The following RPL19 variants were observed in gnomAD, a reference collection of about 807,000 sequenced individuals.
RPL19 encodes large ribosomal subunit protein eL19.
A neutral mutation model predicts 25.1 loss-of-function variants in RPL19; 2 were observed. The ratio of observed to expected loss-of-function variants is 0.08; its 90% CI spans 0.03 to 0.25. The LOEUF (loss-of-function observed/expected upper bound fraction) is 0.25, where lower values mean the gene tolerates loss of function less well. Among genes scored for constraint, RPL19 ranks in the 10% least tolerant of loss-of-function variants. The pLI is 1.00. For missense variants in RPL19, 123 were observed against 271.8 expected (o/e 0.45, Z 3.85); for synonymous variants, 89 against 91.2 (o/e 0.98, Z 0.14).
chr17:39,200,999 G>A (rs1419284480), intron 1 of RPL19: 3 of 505,176 alleles, frequency 5.9e-6, no homozygotes, highest in East Asian at 3.3e-5. Flanking sequence ...GGAGAAATGC[G>A]AACATGAGGC....
chr17:39,202,478 C>G, intron 3 of RPL19, 39 bp downstream of exon 3: 1 of 1,611,392 alleles, frequency 6.2e-7, no homozygotes. Flanking sequence ...ATGATAGGTG[C>G]TGGCATCTAT....
At chr17:39,200,617 A>G in intron 1 of RPL19, 1 of 1,225,158 alleles carries the variant, frequency 8.2e-7, no homozygotes, top group Non-Finnish European at 1.0e-6. Context: ...AGCAGAGCAA[A>G]CGGAGCGAAC....
intron 4 of RPL19, among the ~76,000 whole-genome samples, chr17:39,203,533 CAG>C (rs960371369): frequency 4.1e-4 from 53 of 129,650 alleles, no homozygotes; most frequent in Non-Finnish European, 5.6e-4. Context: ...TTTTTGGAGA[CAG>C]AGTCTCGCTC....
Position 39,202,398 on chromosome 17 carries a change from A to G in RPL19, c.194A>G (p.Lys65Arg). ...VTVHSRARCR[K>R]NTLARRKGRH... ...GTCCATTCCCGGGCTCGATGCCGGA[A>G]AAACACCTTGGCCCGCCGGAAGGGC... Residue 65 changes from lysine (K) to arginine (R), a missense_variant, in exon 3 of 6, where the codon AAA (lysine) becomes AGA (arginine). Transcript: ENST00000225430. 1 of 1,614,258 alleles carries G rather than the reference A, an allele frequency of 6.2e-7. No homozygotes were observed. The highest frequency in any genetic ancestry group is 8.5e-7 in the Non-Finnish European group (1 of 1,180,046).
chr17:39,203,367 G>C (rs2046303736), intron 4 of RPL19, among the ~76,000 whole-genome samples: 3 of 151,914 alleles, frequency 2.0e-5, no homozygotes, highest in Admixed American at 1.3e-4. Context: ...ATTTTTAGTA[G>C]AGACGGGGTT....
intron 1 of RPL19, 182 bp from the exon 2 acceptor site, chr17:39,201,031 G>T: frequency 1.8e-6 from 1 of 550,874 alleles, no homozygotes. Context: ...AAGGCATAGC[G>T]TGGGTTTTGA....
chr17:39,200,390 G>T, intron 1 of RPL19, 41 bp downstream of exon 1: 2 of 1,533,182 alleles, frequency 1.3e-6, no homozygotes, highest in South Asian at 2.4e-5. Context: ...GACGCGTGTC[G>T]ACAAGGGACT....
intron 1 of RPL19, 192 bp downstream of exon 1, chr17:39,200,541 A>G (rs2046279304): frequency 1.5e-6 from 2 of 1,300,414 alleles, no homozygotes; most frequent in African/African-American, 1.5e-5. Flanking sequence ...CGTCGCAGCA[A>G]CTGAGACCAG....
intron 1 of RPL19, 22 bp downstream of exon 1, chr17:39,200,371 T>G (rs1279559710): frequency 1.3e-6 from 2 of 1,561,994 alleles, no homozygotes; most frequent in Non-Finnish European, 1.7e-6. Flanking sequence ...CTGGTCTCCA[T>G]CAGGCGCTGA....
chr17:39,202,819 A>C, intron 3 of RPL19, 170 bp from the exon 4 acceptor site: 1 of 716,988 alleles, frequency 1.4e-6, no homozygotes, highest in South Asian at 1.9e-5. Context: ...AGTAAACGAA[A>C]GAACTTACGT....
At chr17:39,203,740 C>T (rs1220770231) in intron 4 of RPL19, among the ~76,000 whole-genome samples, 2 of 150,344 alleles carry the variant, frequency 1.3e-5, no homozygotes, top group African/African-American at 2.5e-5. Flanking sequence ...CTCCTGGCCT[C>T]AAGTGATCCG....
chr17:39,203,395 A>G (rs559026330), intron 4 of RPL19, among the ~76,000 whole-genome samples: 44 of 151,488 alleles, frequency 2.9e-4, no homozygotes, highest in Middle Eastern at 3.4e-3. Flanking sequence ...GTTAGCCAGG[A>G]TGGTCTCGAT....
Position 39,202,238 on chromosome 17 carries a change from T to C in RPL19, c.113-79T>C, listed in dbSNP as rs186487956. The C allele has an allele frequency of 6.0e-5, 93 of 1,555,394 alleles. No individual in the cohort carries two copies. The African/African-American group carries it at 1.2e-3, about 20-fold the overall frequency. The stretch of plus-strand genomic sequence containing the variant: ...ACCGTGGGGCCAAGAATGTGAGCAG[T>C]GTCTCTGGCCTGGCCTATTTGGACT... On this transcript the variant is annotated intron_variant, in intron 2 of 5. Transcript: ENST00000225430.
rs2046286535 is a variant in RPL19 at position 39,201,282 on chromosome 17, C to T, written c.75C>T (p.Asp25=). ...LRCGKKKVWL[D]PNETNEIANA... ...GTGGCAAGAAGAAGGTCTGGTTAGA[C>T]CCCAATGAGACCAATGAAATCGCCA... The change falls in exon 2 of 6, where the codon GAC becomes GAT. Residue 25 remains aspartate, a synonymous_variant. Transcript: ENST00000225430. 5 of 1,613,200 alleles carry T rather than the reference C, an allele frequency of 3.1e-6. No homozygotes were observed. Among genetic ancestry groups the T allele is most frequent in the Non-Finnish European group, 4.2e-6 (5 of 1,179,542 alleles).
At chr17:39,203,473 G>A (rs773229600) in intron 4 of RPL19, among the ~76,000 whole-genome samples, 28 of 150,288 alleles carry the variant, frequency 1.9e-4, no homozygotes, top group Non-Finnish European at 1.3e-4. Flanking sequence ...GAGCCACCAC[G>A]CGTGGCCCAC....
intron 3 of RPL19, chr17:39,202,743 T>G: frequency 2.2e-6 from 1 of 447,454 alleles, no homozygotes. Context: ...GCACTGCCTG[T>G]TACACCCACA....
chr17:39,200,814 C>T (rs894119321), intron 1 of RPL19: 12 of 979,368 alleles, frequency 1.2e-5, no homozygotes, highest in African/African-American at 1.7e-5. Flanking sequence ...AATAGCCGAA[C>T]GAGGCTTGTT....
Position 39,204,144 on chromosome 17 carries a change from A to G in RPL19, c.424A>G (p.Ile142Val). 1.9e-6 allele frequency: 3 copies of G among 1,613,728 alleles called. No homozygotes were observed. Among genetic ancestry groups the G allele is most frequent in the East Asian group, 2.2e-5 (1 of 44,886 alleles). Residue 142 changes from isoleucine to valine, a missense_variant, in exon 5 of 6, where the codon ATC becomes GTC. Transcript: ENST00000225430. ...FKNKRILMEH[I>V]HKLKADKARK... ...AAACAAGCGGATTCTCATGGAACACATCCACAAGCTGAAGGCAGACAAGGC... is the reference window on the plus strand; with the variant it reads ...AAACAAGCGGATTCTCATGGAACACGTCCACAAGCTGAAGGCAGACAAGGC...
At chr17:39,204,243 T>C (rs2046309572) in intron 5 of RPL19, 56 bp downstream of exon 5, 2 of 1,133,498 alleles carry the variant, frequency 1.8e-6, no homozygotes, top group African/African-American at 3.1e-5. Flanking sequence ...AGAGTTGTTC[T>C]TAGATACTTA....
Sources: allele counts gnomAD v4.1 joint callset (sites outside exome capture counted in the v4.1 genomes callset), GRCh38; gene constraint gnomAD v4.1.1; transcripts MANE v1.5; gene names NCBI Gene and HGNC (gene_info 2026-07-23, HGNC 2026-07-21).